The following TNR variants were observed in gnomAD, a reference collection of about 807,000 sequenced individuals.
TNR encodes the protein tenascin-R.
TNR carries 45 observed loss-of-function variants against 150.4 expected under a neutral mutation model. The observed-to-expected ratio is 0.30, with a 90% confidence interval of 0.24 to 0.38. The LOEUF is 0.38. TNR is among the 10% of genes least tolerant of loss of function. The pLI, the probability that TNR is intolerant of heterozygous loss-of-function variation, is 1.00. For synonymous variants in TNR, 687 were observed against 678.4 expected, an observed-to-expected ratio of 1.01 and a Z score of -0.20; for missense variants, 1,544 against 1,759.1, an observed-to-expected ratio of 0.88 and a Z score of 2.19.
At chr1:175,731,753 C>T (rs993335689) in intron 1 of TNR, among the ~76,000 whole-genome samples, 3 of 152,144 alleles carry the variant, frequency 2.0e-5, no homozygotes, top group Non-Finnish European at 4.4e-5. Context: ...GTTCTCAGCT[C>T]TGAATCACCT....
chr1:175,477,373 A>G (rs1263662055), intron 2 of TNR, among the ~76,000 whole-genome samples: 1 of 152,104 alleles, frequency 6.6e-6, no homozygotes, highest in Admixed American at 6.6e-5. Flanking sequence ...TATCTTTTTG[A>G]AGAGCTTCCT....
At chr1:175,596,650 G>A (rs921468552) in intron 1 of TNR, among the ~76,000 whole-genome samples, 2 of 152,100 alleles carry the variant, frequency 1.3e-5, no homozygotes, top group Non-Finnish European at 2.9e-5. Flanking sequence ...TCATTATATG[G>A]AAAAATCAGC....
intron 8 of TNR, among the ~76,000 whole-genome samples, chr1:175,381,360 C>A (rs1037747950): frequency 2.0e-5 from 3 of 152,114 alleles, no homozygotes; most frequent in Non-Finnish European, 4.4e-5. Context: ...AAAACCCAGG[C>A]CTTGGAAATG....
At chr1:175,457,350 G>A (rs1224913485) in intron 2 of TNR, among the ~76,000 whole-genome samples, 1 of 152,200 alleles carries the variant, frequency 6.6e-6, no homozygotes, top group Admixed American at 6.5e-5. Context: ...CATTATAAAA[G>A]ATATTGGTGG....
In TNR at chr1:175,320,486, T is replaced by C. The variant is rs147473275; in HGVS notation, c.*2871A>G. On this transcript the variant is annotated 3_prime_UTR_variant, in exon 23 of 23. Coordinates refer to ENST00000367674, the MANE Select transcript of TNR (RefSeq NM_003285.3). ...CCGCTGGTACTATTTATAAAAATGT[T>C]CCATAGTGTAGAATGGTTTCAATAA... 1.9e-4 allele frequency: 29 copies of C among 152,326 alleles called. No individual in the cohort carries two copies. Among genetic ancestry groups the C allele is most frequent in the African/African-American group, 7.0e-4 (29 of 41,570 alleles). The allele number at this position is 152,326 out of a possible 1,614,324, so 9.4% of individuals were successfully genotyped here.
chr1:175,438,735 C>T (rs1655633033), intron 2 of TNR, among the ~76,000 whole-genome samples: 1 of 152,268 alleles, frequency 6.6e-6, no homozygotes, highest in African/African-American at 2.4e-5. Flanking sequence ...AAACCAATAA[C>T]AGACAGAGAG....
At chr1:175,368,757 C>T (rs189661936) in intron 9 of TNR, among the ~76,000 whole-genome samples, 2 of 152,264 alleles carry the variant, frequency 1.3e-5, no homozygotes, top group East Asian at 1.9e-4. Context: ...CGAGACCAGC[C>T]TGACCAATAT....
chr1:175,648,126 C>T (rs1307551069), intron 1 of TNR, among the ~76,000 whole-genome samples: 2 of 152,012 alleles, frequency 1.3e-5, no homozygotes, highest in East Asian at 1.9e-4. Context: ...TTGGGATCCC[C>T]TTCCTAGTCC....
At chr1:175,489,526 G>T (rs1658154653) in intron 2 of TNR, among the ~76,000 whole-genome samples, 1 of 152,210 alleles carries the variant, frequency 6.6e-6, no homozygotes, top group Non-Finnish European at 1.5e-5. Context: ...GAGTGAAGAA[G>T]GCACCTTCCT....
At position 175,577,606 on chromosome 1, in the gene TNR, C is replaced by T. The variant is rs561806659; in HGVS notation, c.-164-49237G>A. On this transcript the variant is annotated intron_variant, in intron 1 of 22. Coordinates refer to ENST00000367674, the MANE Select transcript of TNR (RefSeq NM_003285.3). ...AGGGCTGGGGGTGCGGGTTTGGGAG[C>T]GAGGTAGGGAAAGGGGCTGGCAGCT... Among the ~76,000 whole-genome samples, 22 of 152,100 alleles carry T rather than the reference C, an allele frequency of 1.4e-4. No individual in the cohort carries two copies. In the South Asian group the frequency reaches 4.0e-3, roughly 27 times the overall value.
chr1:175,467,007 G>C (rs1310148227), intron 2 of TNR, among the ~76,000 whole-genome samples: 1 of 152,164 alleles, frequency 6.6e-6, no homozygotes, highest in African/African-American at 2.4e-5. Flanking sequence ...TCAGAGGATA[G>C]AGGCTGGGAT....
At chr1:175,365,657 A>T (rs1042297955) in intron 11 of TNR, among the ~76,000 whole-genome samples, 2 of 152,230 alleles carry the variant, frequency 1.3e-5, no homozygotes, top group Admixed American at 1.3e-4. Flanking sequence ...AAAGCCAGAC[A>T]CAAGTTTTCA....
rs1365960897 is a variant in TNR at position 175,551,708 on chromosome 1, C to A, written c.-164-23339G>T. On this transcript the variant is annotated intron_variant, in intron 1 of 22. Transcript: ENST00000367674. Reference sequence around the variant, plus strand: ...ATTAAAAATTAAACTCCAGGACAACCAATAAGTTATAGAAGTGGAGAAATG... The same window carrying A: ...ATTAAAAATTAAACTCCAGGACAACAAATAAGTTATAGAAGTGGAGAAATG... Among the ~76,000 whole-genome samples the A allele has an allele frequency of 4.6e-5, 7 of 152,140 alleles. 1 individual carries two copies. Among genetic ancestry groups the A allele is most frequent in the African/African-American group, 9.7e-5 (4 of 41,436 alleles).
chr1:175,713,970 C>G (rs1419196529), intron 1 of TNR, among the ~76,000 whole-genome samples: 1 of 152,078 alleles, frequency 6.6e-6, no homozygotes, highest in African/African-American at 2.4e-5. Flanking sequence ...CTCTTCCTGT[C>G]TCACTCTCCT....
intron 1 of TNR, among the ~76,000 whole-genome samples, chr1:175,633,339 T>C (rs960739078): frequency 6.6e-6 from 1 of 152,050 alleles, no homozygotes; most frequent in African/African-American, 2.4e-5. Flanking sequence ...CACGCAGAAC[T>C]GAGGTATGGC....
chr1:175,464,271 A>G (rs970863790), intron 2 of TNR, among the ~76,000 whole-genome samples: 2 of 152,250 alleles, frequency 1.3e-5, no homozygotes, highest in African/African-American at 4.8e-5. Flanking sequence ...TTAAATAGAC[A>G]TGGGTTAACC....
chr1:175,722,400 T>C (rs1326871526), intron 1 of TNR, among the ~76,000 whole-genome samples: 1 of 152,216 alleles, frequency 6.6e-6, no homozygotes, highest in Non-Finnish European at 1.5e-5. Context: ...CCAATACTTA[T>C]GCCTGCTTAT....
chr1:175,526,479 T>G (rs968293871), intron 2 of TNR, among the ~76,000 whole-genome samples: 1 of 152,190 alleles, frequency 6.6e-6, no homozygotes, highest in Admixed American at 6.5e-5. Context: ...GGGCACCTTA[T>G]GGACACACAC....
chr1:175,469,439 T>A (rs1007741210), intron 2 of TNR, among the ~76,000 whole-genome samples: 1 of 152,154 alleles, frequency 6.6e-6, no homozygotes, highest in Non-Finnish European at 1.5e-5. Flanking sequence ...TGGTGTGTAG[T>A]TGGGTCAGAG....
Sources: gnomAD v4.1 joint callset for allele counts (sites outside exome capture counted in the v4.1 genomes callset) on GRCh38, gnomAD v4.1.1 for gene constraint, MANE v1.5 for transcripts, NCBI Gene and HGNC (gene_info 2026-07-23, HGNC 2026-07-21) for gene names.